The following CRHR1 variants were observed in gnomAD, a reference collection of about 807,000 sequenced individuals.
CRHR1 encodes corticotropin releasing hormone receptor 1.
CRHR1 carries 28 observed loss-of-function variants against 56.0 expected under a neutral mutation model. That is an observed-to-expected ratio of 0.50 (90% CI 0.37 to 0.69). CRHR1 has a LOEUF of 0.69. CRHR1 is among the 30% of genes least tolerant of loss of function. The pLI is 0.00. For synonymous variants in CRHR1, 195 were observed against 216.5 expected (o/e 0.90, Z 0.87); for missense variants, 376 against 548.0 (o/e 0.69, Z 3.13).
At position 45,814,301 on chromosome 17, in the gene CRHR1, C is replaced by T. The variant is rs139190996; in HGVS notation, c.122-2162C>T. Reference sequence around the variant, plus strand: ...TGGCATATGTCATGTGTGCCTGGCACACAGTCAGCCCTCAACAAACGCTGC... The same window carrying T: ...TGGCATATGTCATGTGTGCCTGGCATACAGTCAGCCCTCAACAAACGCTGC... On this transcript the variant is annotated intron_variant, in intron 2 of 12. Transcript: ENST00000314537. Among the ~76,000 whole-genome samples the T allele has an allele frequency of 8.1e-3, 1,238 of 152,324 alleles. 19 individuals are homozygous for T. The highest frequency in any genetic ancestry group is 0.028 in the African/African-American group (1,163 of 41,550).
intron 5 of CRHR1, 177 bp downstream of exon 5, chr17:45,829,498 C>G (rs1443098408): frequency 1.1e-5 from 17 of 1,479,160 alleles, no homozygotes; most frequent in Non-Finnish European, 1.6e-5. Context: ...GCTCTGCCCT[C>G]TCCCCAGTAG....
intron 1 of CRHR1, among the ~76,000 whole-genome samples, chr17:45,796,917 A>G (rs1464887916): frequency 2.0e-5 from 3 of 152,234 alleles, no homozygotes; most frequent in Non-Finnish European, 4.4e-5. Context: ...CATATCCATG[A>G]GTCAATTTGA....
rs1233028967 is a variant in CRHR1, at chr17:45,834,849, G to A, written c.*85G>A. On this transcript the variant is annotated 3_prime_UTR_variant, in exon 13 of 13. Transcript: ENST00000314537. Reference sequence around the variant, plus strand: ...CCCTGACCACCCTGCCTGTGGAGGTGACCTGTTAGGTCTCATGCCCACTCC... The same window carrying A: ...CCCTGACCACCCTGCCTGTGGAGGTAACCTGTTAGGTCTCATGCCCACTCC... The A allele has an allele frequency of 3.2e-6, 5 of 1,574,404 alleles. No individual in the cohort carries two copies. The highest frequency in any genetic ancestry group is 4.3e-6 in the Non-Finnish European group (5 of 1,155,788).
intron 1 of CRHR1, among the ~76,000 whole-genome samples, chr17:45,789,475 G>A (rs2061390294): frequency 1.3e-5 from 2 of 151,808 alleles, no homozygotes; most frequent in South Asian, 2.1e-4. Context: ...GGGCTCAAGT[G>A]ATCCTCCCAC....
intron 7 of CRHR1, 95 bp from the exon 8 acceptor site, chr17:45,830,785 C>T (rs16940671): frequency 0.18 from 248,672 of 1,354,794 alleles, 26,579 homozygotes; most frequent in Non-Finnish European, 0.22. Flanking sequence ...CTGAGTAACC[C>T]CAGACCCCCT....
At chr17:45,821,325 G>T in intron 3 of CRHR1, 30 bp from the exon 4 acceptor site, 2 of 1,605,158 alleles carry the variant, frequency 1.2e-6, no homozygotes, top group Middle Eastern at 1.7e-4. Context: ...GGGCTGCCCC[G>T]CCATCACTGC....
chr17:45,833,693 T>TGGGGGGGGGGGCGC, intron 10 of CRHR1, 21 bp from the exon 11 acceptor site: 1 of 1,571,618 alleles, frequency 6.4e-7, no homozygotes, highest in Non-Finnish European at 8.7e-7. Flanking sequence ...ACTCCGAGCC[T>TGGGGGGGGGGGCGC]CCCCACCCGC....
intron 2 of CRHR1, among the ~76,000 whole-genome samples, chr17:45,816,244 G>T (rs753469910): frequency 5.3e-5 from 8 of 152,162 alleles, no homozygotes; most frequent in Non-Finnish European, 8.8e-5. Flanking sequence ...AACCCATGCT[G>T]GCTCCCTAGT....
At chr17:45,833,693 T>TGGGGGCCCCCCCCCCCCCCCC in intron 10 of CRHR1, 21 bp from the exon 11 acceptor site, 4 of 1,571,602 alleles carry the variant, frequency 2.5e-6, no homozygotes, top group East Asian at 2.3e-5. Flanking sequence ...ACTCCGAGCC[T>TGGGGGCCCCCCCCCCCCCCCC]CCCCACCCGC....
intron 10 of CRHR1, 21 bp from the exon 11 acceptor site, chr17:45,833,693 T>TGGGGGGGGGGGGCG: frequency 3.8e-6 from 6 of 1,571,608 alleles, no homozygotes; most frequent in Non-Finnish European, 4.3e-6. Flanking sequence ...ACTCCGAGCC[T>TGGGGGGGGGGGGCG]CCCCACCCGC....
chr17:45,785,889 C>G (rs1027843759), intron 1 of CRHR1, among the ~76,000 whole-genome samples: 1 of 152,188 alleles, frequency 6.6e-6, no homozygotes, highest in Non-Finnish European at 1.5e-5. Flanking sequence ...CATCCCCTCC[C>G]CCATCCGTTA....
chr17:45,808,902 G>A (rs1177507454), intron 2 of CRHR1, among the ~76,000 whole-genome samples: 1 of 152,170 alleles, frequency 6.6e-6, no homozygotes, highest in Non-Finnish European at 1.5e-5. Flanking sequence ...GCCCAGATCT[G>A]GGCTCAGGTG....
rs1044514330 is a variant in CRHR1, at chr17:45,821,273, A to G, written c.242-82A>G. ...GCCTGTACTGGCCATCTACAGATCC[A>G]TCTACGCATCCATCTGGGCCAGGAT... On this transcript the variant is annotated intron_variant, in intron 3 of 12. Coordinates refer to ENST00000314537, the MANE Select transcript of CRHR1 (RefSeq NM_004382.5). 13 of 1,255,062 alleles carry G rather than the reference A, an allele frequency of 1.0e-5. 1 individual carries two copies. Among genetic ancestry groups the G allele is most frequent in the Non-Finnish European group, 1.5e-5 (13 of 860,318 alleles). 77.7% of individuals were successfully genotyped at this position (1,255,062 alleles called of 1,614,324 possible). A position where few individuals can be genotyped will look rare whatever the true frequency, so the allele number is the denominator to read the frequency against.
chr17:45,835,067 A>G lies in CRHR1; in HGVS notation c.*303A>G. The G allele has an allele frequency of 2.3e-6, 1 of 429,354 alleles. No individual in the cohort carries two copies. Among genetic ancestry groups the G allele is most frequent in the East Asian group, 3.8e-5 (1 of 26,224 alleles). The allele number at this position is 429,354 out of a possible 1,614,324, so 26.6% of individuals were successfully genotyped here. A position where few individuals can be genotyped will look rare whatever the true frequency, so the allele number is the denominator to read the frequency against. ...TGGGGCGCTGGACACCTACAGCAGC[A>G]CGCATGTCCCTCCAAGGCTGTCTTC... is the stretch of plus-strand genomic sequence containing the variant. On this transcript the variant is annotated 3_prime_UTR_variant, in exon 13 of 13. Coordinates refer to ENST00000314537, the MANE Select transcript of CRHR1 (RefSeq NM_004382.5).
chr17:45,818,300 A>G (rs2061969490), intron 3 of CRHR1, among the ~76,000 whole-genome samples: 1 of 152,208 alleles, frequency 6.6e-6, no homozygotes, highest in Non-Finnish European at 1.5e-5. Context: ...TTTTGCAGCC[A>G]GCCCTGGCCA....
At chr17:45,822,284 A>G (rs2062058418) in intron 4 of CRHR1, among the ~76,000 whole-genome samples, 1 of 152,250 alleles carries the variant, frequency 6.6e-6, no homozygotes, top group African/African-American at 2.4e-5. Flanking sequence ...TTTAGTTATT[A>G]CAAATGCTGC....
rs753859538 is a variant in CRHR1, at chr17:45,807,030, GA to G, written c.56del (p.Asn19ThrfsTer45). Reference sequence around the variant, plus strand: ...TGCAGGCCCTTCTCCTTCTGGGGCTGAACCCCGTCTCTGCCTCCCTCCAGGA... The same window carrying G: ...TGCAGGCCCTTCTCCTTCTGGGGCTGACCCCGTCTCTGCCTCCCTCCAGGA... ...LVKALLLLGL[N>X]PVSASLQDQH... On this transcript the variant is annotated frameshift_variant, in exon 2 of 13. Transcript: ENST00000314537. LOFTEE classifies it high-confidence loss of function. 1 of 1,613,982 alleles carries G rather than the reference GA, an allele frequency of 6.2e-7. No individual in the cohort carries two copies. Among genetic ancestry groups the G allele is most frequent in the African/African-American group, 1.3e-5 (1 of 75,040 alleles).
At position 45,807,051 on chromosome 17, in the gene CRHR1, C is replaced by G; in HGVS notation, c.75C>G (p.Leu25=). The change falls in exon 2 of 13, where the codon CTC becomes CTG. Residue 25 remains leucine, a synonymous_variant. Transcript: ENST00000314537. Reference sequence around the variant, plus strand: ...GGCTGAACCCCGTCTCTGCCTCCCTCCAGGACCAGCACTGCGAGAGCCTGT... The same window carrying G: ...GGCTGAACCCCGTCTCTGCCTCCCTGCAGGACCAGCACTGCGAGAGCCTGT... The part of the protein sequence containing the change: ...LLGLNPVSAS[L]QDQHCESLSL... 1 of 1,614,120 alleles carries G rather than the reference C, an allele frequency of 6.2e-7. No individual in the cohort carries two copies. Among genetic ancestry groups the G allele is most frequent in the Non-Finnish European group, 8.5e-7 (1 of 1,180,010 alleles).
chr17:45,811,318 G>T (rs566825462), intron 2 of CRHR1, among the ~76,000 whole-genome samples: 22 of 152,126 alleles, frequency 1.4e-4, no homozygotes, highest in Non-Finnish European at 2.9e-4. Context: ...ACCCCGCAGG[G>T]TTTCTTCCCT....
Sources: gnomAD v4.1 joint callset for allele counts (sites outside exome capture counted in the v4.1 genomes callset) on GRCh38, gnomAD v4.1.1 for gene constraint, MANE v1.5 for transcripts, NCBI Gene and HGNC (gene_info 2026-07-23, HGNC 2026-07-21) for gene names.